PDSS2: variants seen among roughly 807,000 people sequenced by gnomAD.
PDSS2 encodes decaprenyl diphosphate synthase subunit 2, also known as all trans-polyprenyl-diphosphate synthase PDSS2.
PDSS2 carries 31 observed loss-of-function variants against 44.5 expected under a neutral mutation model. The observed-to-expected ratio is 0.70, with a 90% confidence interval of 0.52 to 0.94. The LOEUF (loss-of-function observed/expected upper bound fraction) is 0.94. Among genes scored for constraint, PDSS2 ranks in the 40% least tolerant of loss-of-function variants. The pLI is 0.00. For synonymous variants in PDSS2, 157 were observed against 180.3 expected, an observed-to-expected ratio of 0.87 and a Z score of 1.03; for missense variants, 452 against 482.2, an observed-to-expected ratio of 0.94 and a Z score of 0.59.
chr6:107,384,651 AAAAAACAC>A (rs1429422433), intron 1 of PDSS2, among the ~76,000 whole-genome samples: 1 of 151,402 alleles, frequency 6.6e-6, no homozygotes, highest in Non-Finnish European at 1.5e-5. Context: ...CAAAACCAAA[AAAAAACAC>A]AAAAAAACAA....
At chr6:107,219,744 C>T (rs1356078128) in intron 4 of PDSS2, among the ~76,000 whole-genome samples, 1 of 152,160 alleles carries the variant, frequency 6.6e-6, no homozygotes, top group Admixed American at 6.5e-5. Flanking sequence ...TTATATGTTT[C>T]CTTGAAGGTT....
chr6:107,417,778 TACACACACACACAC>T (rs59602150), intron 1 of PDSS2, among the ~76,000 whole-genome samples: 38 of 147,054 alleles, frequency 2.6e-4, no homozygotes, highest in Admixed American at 8.8e-4. Context: ...TTAATAATAA[TACACACACACACAC>T]ACACACACAC....
chr6:107,312,648 A>T (rs776198534), intron 2 of PDSS2, among the ~76,000 whole-genome samples: 11 of 152,226 alleles, frequency 7.2e-5, no homozygotes, highest in African/African-American at 1.9e-4. Flanking sequence ...ATTAGCTAGC[A>T]TTACCTAACA....
intron 6 of PDSS2, among the ~76,000 whole-genome samples, chr6:107,201,151 T>C (rs972027578): frequency 4.4e-4 from 67 of 152,112 alleles, no homozygotes; most frequent in African/African-American, 1.5e-3. Context: ...CTAGGGTCTT[T>C]AAAAGGGATT....
At chr6:107,383,589 A>G (rs1779520146) in intron 1 of PDSS2, among the ~76,000 whole-genome samples, 1 of 152,130 alleles carries the variant, frequency 6.6e-6, no homozygotes, top group Non-Finnish European at 1.5e-5. Flanking sequence ...GTATCTAGAT[A>G]CAAATAAAGA....
intron 3 of PDSS2, among the ~76,000 whole-genome samples, chr6:107,249,458 T>C (rs1334314725): frequency 6.6e-6 from 1 of 152,190 alleles, no homozygotes; most frequent in East Asian, 1.9e-4. Flanking sequence ...TCCTGAAATA[T>C]TGTTTTAGAT....
intron 6 of PDSS2, among the ~76,000 whole-genome samples, chr6:107,202,810 A>G (rs1287202518): frequency 6.6e-6 from 1 of 151,900 alleles, no homozygotes; most frequent in Non-Finnish European, 1.5e-5. Context: ...GGTTCACTGG[A>G]GAAAAAGAAG....
At chr6:107,336,828 GTGTGTGTGTGTGTGTGT>G (rs1562470930) in intron 1 of PDSS2, among the ~76,000 whole-genome samples, 1 of 724 alleles carries the variant, frequency 1.4e-3, no homozygotes, top group Non-Finnish European at 7.2e-3. Context: ...GGTGTGTGGT[GTGTGTGTGTGTGTGTGT>G]GTGTGTGTGT....
At chr6:107,158,931 A>G (rs1371725909) in intron 7 of PDSS2, among the ~76,000 whole-genome samples, 1 of 150,586 alleles carries the variant, frequency 6.6e-6, no homozygotes, top group Non-Finnish European at 1.5e-5. Context: ...GTTTCACCAC[A>G]TTGGTCAGGC....
intron 4 of PDSS2, among the ~76,000 whole-genome samples, chr6:107,232,844 TC>T (rs1383086492): frequency 1.3e-5 from 2 of 151,834 alleles, no homozygotes; most frequent in African/African-American, 4.8e-5. Context: ...TTTCTTTCTT[TC>T]TTTTTTTTTT....
chr6:107,276,658 C>T (rs747855996), intron 2 of PDSS2, among the ~76,000 whole-genome samples: 1 of 152,204 alleles, frequency 6.6e-6, no homozygotes, highest in African/African-American at 2.4e-5. Flanking sequence ...CCAAGTTACA[C>T]TTATCAGTCA....
At chr6:107,219,079 A>T (rs1016346132) in intron 4 of PDSS2, among the ~76,000 whole-genome samples, 12 of 151,122 alleles carry the variant, frequency 7.9e-5, no homozygotes, top group East Asian at 1.9e-4. Flanking sequence ...AAAATTAATT[A>T]AAAAAAAATT....
chr6:107,395,772 G>A (rs182154233), intron 1 of PDSS2, among the ~76,000 whole-genome samples: 73 of 152,056 alleles, frequency 4.8e-4, no homozygotes, highest in East Asian at 1.7e-3. Context: ...TTTGATTTTT[G>A]AGCTATGTTT....
chr6:107,458,591 C>T (rs1202670286), intron 1 of PDSS2, among the ~76,000 whole-genome samples: 5 of 151,720 alleles, frequency 3.3e-5, no homozygotes, highest in South Asian at 2.1e-4. Context: ...TCTCTCCTTG[C>T]CTACTTTCTG....
intron 7 of PDSS2, among the ~76,000 whole-genome samples, chr6:107,158,689 A>G (rs782151200): frequency 6.6e-6 from 1 of 151,790 alleles, no homozygotes; most frequent in Non-Finnish European, 1.5e-5. Context: ...TCAAACTCCT[A>G]TCCTAGCTTT....
chr6:107,154,803 A>G (rs782478208), intron 7 of PDSS2, 26 bp from the exon 8 acceptor site: 3 of 1,612,434 alleles, frequency 1.9e-6, no homozygotes, highest in Non-Finnish European at 2.5e-6. Context: ...TGCATGATAA[A>G]AGTCAGTTTT....
At chr6:107,243,497 G>A (rs750685548) in intron 4 of PDSS2, among the ~76,000 whole-genome samples, 2 of 152,158 alleles carry the variant, frequency 1.3e-5, no homozygotes, top group Non-Finnish European at 2.9e-5. Flanking sequence ...CAACAATAAT[G>A]CTTTCATGTA....
At chr6:107,439,108 G>A (rs1375633360) in intron 1 of PDSS2, among the ~76,000 whole-genome samples, 1 of 152,176 alleles carries the variant, frequency 6.6e-6, no homozygotes, top group African/African-American at 2.4e-5. Context: ...CTGCAAGCAG[G>A]CATACTGCCC....
At chr6:107,248,500 C>A (rs1224677158) in intron 3 of PDSS2, among the ~76,000 whole-genome samples, 29 of 103,690 alleles carry the variant, frequency 2.8e-4, no homozygotes, top group Admixed American at 4.5e-4. Context: ...GGAAGCTCAA[C>A]AGATTAGGGA....
Sources: gnomAD v4.1 joint callset for allele counts (sites outside exome capture counted in the v4.1 genomes callset) on GRCh38, gnomAD v4.1.1 for gene constraint, MANE v1.5 for transcripts, NCBI Gene and HGNC (gene_info 2026-07-23, HGNC 2026-07-21) for gene names.